Variants in SORCS1 observed in about 807,000 individuals in gnomAD.
SORCS1 encodes the protein VPS10 domain-containing receptor SorCS1.
A neutral mutation model predicts 146.1 loss-of-function variants in SORCS1; 60 were observed. The ratio of observed to expected loss-of-function variants is 0.41; its 90% CI spans 0.33 to 0.51. The LOEUF (loss-of-function observed/expected upper bound fraction) is 0.51. Among genes scored for constraint, SORCS1 ranks in the 20% least tolerant of loss-of-function variants. The pLI is 0.21. For synonymous variants in SORCS1, 637 were observed against 584.0 expected (o/e 1.09, Z -1.31); for missense variants, 1,352 against 1,487.6 (o/e 0.91, Z 1.50).
Position 107,060,068 on chromosome 10 carries a change from CATT to C in SORCS1, c.559-103491_559-103489del, listed in dbSNP as rs1343387467. 6.6e-6 allele frequency among the ~76,000 whole-genome samples: 1 copy of C among 152,156 alleles called. No individual in the cohort carries two copies. The highest frequency in any genetic ancestry group is 1.9e-4 in the East Asian group (1 of 5,162). Reference sequence around the variant, plus strand: ...GTGTCCTCATACACAGAATCCTTATCATTGATAGCACATAGCTGTACTCTAGCT... The same window carrying C: ...GTGTCCTCATACACAGAATCCTTATCGATAGCACATAGCTGTACTCTAGCT... On this transcript the variant is annotated intron_variant, in intron 1 of 25. Coordinates refer to ENST00000263054, the MANE Select transcript of SORCS1 (RefSeq NM_052918.5). This position sits in a 1 kb window ranked among gnomAD's most constrained non-coding sequence, Gnocchi z 4.1.
chr10:106,658,488 A>C (rs1290545870), intron 17 of SORCS1, among the ~76,000 whole-genome samples: 1 of 152,168 alleles, frequency 6.6e-6, no homozygotes, highest in Non-Finnish European at 1.5e-5. Context: ...TCACAATAAA[A>C]AAAAAGCATA....
At chr10:107,132,998 G>A (rs1417516830) in intron 1 of SORCS1, among the ~76,000 whole-genome samples, 1 of 152,170 alleles carries the variant, frequency 6.6e-6, no homozygotes, top group Non-Finnish European at 1.5e-5. Context: ...GGGGACAAAG[G>A]GAACTTTCCT....
intron 2 of SORCS1, among the ~76,000 whole-genome samples, chr10:106,876,982 C>T (rs1950610279): frequency 6.6e-6 from 1 of 152,116 alleles, no homozygotes; most frequent in South Asian, 2.1e-4. Flanking sequence ...TGTACTGTTT[C>T]CTTTGTAAAG....
At chr10:106,843,489 T>C (rs1352036532) in intron 2 of SORCS1, among the ~76,000 whole-genome samples, 1 of 138,458 alleles carries the variant, frequency 7.2e-6, no homozygotes, top group Non-Finnish European at 1.5e-5. Context: ...GAGAGTGCAG[T>C]GGCGCGATCT....
At chr10:106,866,568 G>A (rs1270890606) in intron 2 of SORCS1, among the ~76,000 whole-genome samples, 2 of 152,138 alleles carry the variant, frequency 1.3e-5, no homozygotes, top group Admixed American at 6.5e-5. Context: ...GCCAAGCTGC[G>A]ATCTGCAGCC....
chr10:106,850,291 C>T (rs868743513), intron 2 of SORCS1, among the ~76,000 whole-genome samples: 2 of 152,248 alleles, frequency 1.3e-5, no homozygotes, highest in Non-Finnish European at 2.9e-5. Flanking sequence ...TCTCGTGGTG[C>T]GCCGTGTTTT....
upstream of SORCS1, among the ~76,000 whole-genome samples, chr10:107,168,855 A>C (rs1008715039): frequency 2.6e-5 from 4 of 152,006 alleles, no homozygotes; most frequent in Admixed American, 2.6e-4. Flanking sequence ...TCCAAATCCA[A>C]CTAATAACAG....
At chr10:106,986,511 CGTGTGTGT>C (rs58888609) in intron 1 of SORCS1, among the ~76,000 whole-genome samples, 2,516 of 148,396 alleles carry the variant, frequency 0.017, 24 homozygotes, top group Non-Finnish European at 0.023. Flanking sequence ...TATATACAAC[CGTGTGTGT>C]GTGTGTGTGT....
At chr10:106,869,101 C>T (rs12761931) in intron 2 of SORCS1, among the ~76,000 whole-genome samples, 16,400 of 151,940 alleles carry the variant, frequency 0.11, 1,556 homozygotes, top group East Asian at 0.3. Flanking sequence ...AAGAGATGGA[C>T]AAATTTGTGG....
intron 1 of SORCS1, among the ~76,000 whole-genome samples, chr10:107,104,048 T>G (rs942685257): frequency 2.0e-5 from 3 of 152,202 alleles, no homozygotes; most frequent in Non-Finnish European, 4.4e-5. Flanking sequence ...CCCAACTGTA[T>G]TAAGCTTCAA....
At chr10:106,597,509 A>G in intron 23 of SORCS1, 59 bp from the exon 24 acceptor site, 1 of 1,296,830 alleles carries the variant, frequency 7.7e-7, no homozygotes, top group Non-Finnish European at 1.1e-6. Flanking sequence ...TAAACCAATA[A>G]GCTTAGAAAT....
intron 6 of SORCS1, among the ~76,000 whole-genome samples, chr10:106,718,178 G>A (rs1855518145): frequency 6.6e-6 from 1 of 152,194 alleles, no homozygotes; most frequent in Non-Finnish European, 1.5e-5. Context: ...GATGTGTTTG[G>A]GGAACACTGG....
At chr10:106,610,186 C>T (rs1670839072) in intron 22 of SORCS1, among the ~76,000 whole-genome samples, 1 of 151,950 alleles carries the variant, frequency 6.6e-6, no homozygotes, top group African/African-American at 2.4e-5. Flanking sequence ...GATACCCCTT[C>T]TTTACCCCAG....
chr10:107,109,248 C>T (rs539525240), intron 1 of SORCS1, among the ~76,000 whole-genome samples: 3 of 152,218 alleles, frequency 2.0e-5, no homozygotes, highest in Non-Finnish European at 4.4e-5. Context: ...CAGATTTCCC[C>T]TCTGTGCTGC....
chr10:106,725,949 A>G (rs987470027), intron 6 of SORCS1, among the ~76,000 whole-genome samples: 1 of 133,844 alleles, frequency 7.5e-6, no homozygotes, highest in Non-Finnish European at 1.6e-5. Context: ...AAAAAAAAAA[A>G]AATAGGAAAT....
chr10:106,953,433 T>C (rs909093666), intron 2 of SORCS1, among the ~76,000 whole-genome samples: 1 of 152,112 alleles, frequency 6.6e-6, no homozygotes, highest in Non-Finnish European at 1.5e-5. Flanking sequence ...TAGTGTTGTG[T>C]TGTTTTTAAA....
chr10:106,954,474 C>G (rs1589782562), intron 2 of SORCS1, among the ~76,000 whole-genome samples: 1 of 152,190 alleles, frequency 6.6e-6, no homozygotes, highest in East Asian at 1.9e-4. Flanking sequence ...CTTTCAGTTA[C>G]ATCCCTGTAA....
chr10:106,694,115 C>T (rs995085784), intron 9 of SORCS1, among the ~76,000 whole-genome samples: 2 of 152,098 alleles, frequency 1.3e-5, no homozygotes, highest in Non-Finnish European at 2.9e-5. Context: ...AACATGAGGC[C>T]GGGGTGCCTT....
intron 3 of SORCS1, among the ~76,000 whole-genome samples, chr10:106,783,860 G>A (rs142520489): frequency 3.3e-5 from 5 of 152,242 alleles, no homozygotes; most frequent in South Asian, 4.1e-4. Flanking sequence ...CTGATGTAAT[G>A]TTCTTATTGG....
Sources: allele counts gnomAD v4.1 joint callset (sites outside exome capture counted in the v4.1 genomes callset), GRCh38; gene constraint gnomAD v4.1.1; non-coding constraint Gnocchi (gnomAD v3.1); transcripts MANE v1.5; gene names NCBI Gene and HGNC (gene_info 2026-07-23, HGNC 2026-07-21).